APBA2: variants seen among roughly 807,000 people sequenced by gnomAD.
APBA2 encodes the protein amyloid beta precursor protein binding family A member 2.
A neutral mutation model predicts 75.0 loss-of-function variants in APBA2; 30 were observed. The ratio of observed to expected loss-of-function variants is 0.40; its 90% CI spans 0.30 to 0.54. The LOEUF (loss-of-function observed/expected upper bound fraction) is 0.54. APBA2 is among the 20% of genes least tolerant of loss of function. The pLI is 0.49. For synonymous variants in APBA2, 444 were observed against 409.6 expected (o/e 1.08, Z -1.01); for missense variants, 801 against 1,016.1 (o/e 0.79, Z 2.88).
intron 4 of APBA2, among the ~76,000 whole-genome samples, chr15:29,071,575 C>T (rs1011593797): frequency 1.3e-4 from 19 of 148,470 alleles, no homozygotes; most frequent in Admixed American, 6.1e-4. Flanking sequence ...GAGGGCATAA[C>T]AGGATTTAAA....
At chr15:28,915,146 CATACCCATA>C (rs2033618975) in intron 1 of APBA2, among the ~76,000 whole-genome samples, 5 of 6,740 alleles carry the variant, frequency 7.4e-4, no homozygotes, top group African/African-American at 7.1e-4. Context: ...ATACCACACA[CATACCCATA>C]CACACCACAC....
intron 3 of APBA2, among the ~76,000 whole-genome samples, chr15:29,029,702 A>G (rs1246299876): frequency 6.6e-6 from 1 of 152,100 alleles, no homozygotes; most frequent in Admixed American, 6.6e-5. Context: ...CAGACCTGGG[A>G]AAGCCCCAGG....
At chr15:29,096,040 C>T (rs1225794900) in intron 8 of APBA2, among the ~76,000 whole-genome samples, 1 of 152,184 alleles carries the variant, frequency 6.6e-6, no homozygotes, top group East Asian at 1.9e-4. Flanking sequence ...CTCAAAAAGG[C>T]CTCTGCGGCC....
At chr15:29,041,011 T>C (rs1031008863) in intron 3 of APBA2, among the ~76,000 whole-genome samples, 1 of 151,030 alleles carries the variant, frequency 6.6e-6, no homozygotes, top group African/African-American at 2.4e-5. Context: ...AACATAGAAA[T>C]TCGCAGCAGG....
chr15:29,005,368 C>T (rs760618458), intron 3 of APBA2, among the ~76,000 whole-genome samples: 5 of 152,096 alleles, frequency 3.3e-5, no homozygotes, highest in Admixed American at 1.3e-4. Flanking sequence ...TCAAGCGGTC[C>T]TCCCACCTTG....
intron 1 of APBA2, among the ~76,000 whole-genome samples, chr15:28,892,231 C>A (rs1169481429): frequency 6.6e-6 from 1 of 152,194 alleles, no homozygotes; most frequent in African/African-American, 2.4e-5. Context: ...CCTGCCACCA[C>A]GCCTGGTTAA....
chr15:28,930,158 G>A (rs1258052028), intron 2 of APBA2, among the ~76,000 whole-genome samples: 2 of 152,196 alleles, frequency 1.3e-5, no homozygotes, highest in Non-Finnish European at 2.9e-5. Flanking sequence ...CGCCAGTATA[G>A]GTGGGAATGG....
chr15:29,010,506 A>G (rs1293485066), intron 3 of APBA2, among the ~76,000 whole-genome samples: 4 of 151,932 alleles, frequency 2.6e-5, no homozygotes, highest in African/African-American at 9.7e-5. Context: ...GATCCGCCCA[A>G]CTCGGCCTCC....
At chr15:28,966,236 T>C (rs55923127) in intron 2 of APBA2, among the ~76,000 whole-genome samples, 38,866 of 152,048 alleles carry the variant, frequency 0.26, 7,887 homozygotes, top group East Asian at 0.54. Context: ...TGTTGCACAC[T>C]TCTGTATCTT....
At chr15:29,013,255 A>G (rs1171279876) in intron 3 of APBA2, among the ~76,000 whole-genome samples, 2 of 149,420 alleles carry the variant, frequency 1.3e-5, no homozygotes, top group African/African-American at 4.9e-5. Context: ...GTTATGTCAT[A>G]TAGGAAAATG....
intron 2 of APBA2, among the ~76,000 whole-genome samples, chr15:28,955,776 G>T: frequency 6.6e-6 from 1 of 152,350 alleles, no homozygotes; most frequent in East Asian, 1.9e-4. Context: ...GGCATGGGGG[G>T]CCTTGGTGGG....
intron 4 of APBA2, chr15:29,070,642 G>A (rs73370217): frequency 0.025 from 4,308 of 170,050 alleles, 114 homozygotes; most frequent in African/African-American, 0.064. Flanking sequence ...GTCAGGGGAC[G>A]GATCCAAGGG....
At chr15:28,898,082 C>T (rs1357231692) in intron 1 of APBA2, among the ~76,000 whole-genome samples, 3 of 152,168 alleles carry the variant, frequency 2.0e-5, no homozygotes, top group Non-Finnish European at 4.4e-5. Context: ...AGAAACTGGA[C>T]AGGGCCAGGT....
intron 2 of APBA2, among the ~76,000 whole-genome samples, chr15:28,952,362 T>G (rs958352242): frequency 5.3e-5 from 8 of 151,794 alleles, no homozygotes; most frequent in African/African-American, 1.9e-4. Context: ...TGACCTTGTC[T>G]CTACAAAAAA....
intron 2 of APBA2, among the ~76,000 whole-genome samples, chr15:28,988,242 AC>A (rs1050890880): frequency 6.8e-6 from 1 of 147,922 alleles, no homozygotes; most frequent in Non-Finnish European, 1.5e-5. Flanking sequence ...AAATGATATC[AC>A]CTTGTATTTT....
chr15:29,038,166 A>G (rs1277552791), intron 3 of APBA2, among the ~76,000 whole-genome samples: 1 of 152,074 alleles, frequency 6.6e-6, no homozygotes, highest in East Asian at 1.9e-4. Context: ...GTGCTTTGAC[A>G]ACAACTTCTG....
intron 4 of APBA2, among the ~76,000 whole-genome samples, chr15:29,060,413 AG>A (rs2152900559): frequency 6.6e-6 from 1 of 152,332 alleles, no homozygotes; most frequent in South Asian, 2.1e-4. Flanking sequence ...TGCATAACAC[AG>A]CCCTTGAAGA....
chr15:28,933,908 A>G (rs1359129137), intron 2 of APBA2, among the ~76,000 whole-genome samples: 1 of 152,158 alleles, frequency 6.6e-6, no homozygotes, highest in Non-Finnish European at 1.5e-5. Context: ...GGCCTGGGGA[A>G]GTTCCAGGAA....
chr15:29,103,103 TGA>T (rs1480792694), intron 10 of APBA2, among the ~76,000 whole-genome samples: 4 of 152,158 alleles, frequency 2.6e-5, no homozygotes, highest in African/African-American at 9.7e-5. Flanking sequence ...CGAGGATGTG[TGA>T]GAGACCTGGC....
Sources: gnomAD v4.1 joint callset for allele counts (sites outside exome capture counted in the v4.1 genomes callset) on GRCh38, gnomAD v4.1.1 for gene constraint, MANE v1.5 for transcripts, NCBI Gene and HGNC (gene_info 2026-07-23, HGNC 2026-07-21) for gene names.